The following HS3ST3B1 variants were observed in gnomAD, a reference collection of about 807,000 sequenced individuals.
The protein encoded by HS3ST3B1 is heparan sulfate-glucosamine 3-sulfotransferase 3B1, also known as heparan sulfate glucosamine 3-O-sulfotransferase 3B1.
A neutral mutation model predicts 21.3 loss-of-function variants in HS3ST3B1; 13 were observed. The ratio of observed to expected loss-of-function variants is 0.61; its 90% confidence interval spans 0.40 to 0.97. The LOEUF (loss-of-function observed/expected upper bound fraction) is 0.97. HS3ST3B1 is among the 50% of genes least tolerant of loss of function. The pLI is 0.00. For synonymous variants in HS3ST3B1, 234 were observed against 254.8 expected, an observed-to-expected ratio of 0.92 and a Z score of 0.78; for missense variants, 459 against 554.8, an observed-to-expected ratio of 0.83 and a Z score of 1.73.
chr17:14,301,839 C>G lies in HS3ST3B1; in HGVS notation c.321C>G (p.Gly107=), dbSNP rs757799336. ...CTTCAGGCAAGGAGATGGCCGAGGG[C>G]GCTGCGAGCCCGGAGGAGCAGAGTC... ...PLASGKEMAE[G]AASPEEQSPE... is the part of the protein sequence containing the mutation. The change falls in exon 1 of 2, where the codon GGC becomes GGG. Residue 107 remains glycine, a synonymous_variant. Coordinates refer to ENST00000360954, the MANE Select transcript of HS3ST3B1 (RefSeq NM_006041.3). 1 of 1,582,272 alleles carries G rather than the reference C, an allele frequency of 6.3e-7. No individual in the cohort carries two copies. The highest frequency in any genetic ancestry group is 8.6e-7 in the Non-Finnish European group (1 of 1,165,370).
chr17:14,343,236 T>C (rs1375469754), intron 1 of HS3ST3B1, among the ~76,000 whole-genome samples: 1 of 148,108 alleles, frequency 6.8e-6, no homozygotes, highest in Non-Finnish European at 1.5e-5. Flanking sequence ...AGCGAGACTC[T>C]GTCTCAAAAA....
intron 1 of HS3ST3B1, among the ~76,000 whole-genome samples, chr17:14,322,510 T>C (rs1446022773): frequency 6.6e-6 from 1 of 152,218 alleles, no homozygotes; most frequent in Admixed American, 6.5e-5. Flanking sequence ...AGGGGTAAAC[T>C]TATTTTTCTG....
intron 1 of HS3ST3B1, among the ~76,000 whole-genome samples, chr17:14,330,770 G>A (rs569515240): frequency 1.3e-5 from 2 of 152,202 alleles, no homozygotes; most frequent in South Asian, 2.1e-4. Flanking sequence ...AGAGGCATGC[G>A]AAAAAGAAAA....
intron 1 of HS3ST3B1, among the ~76,000 whole-genome samples, chr17:14,309,984 C>T (rs1201913806): frequency 6.6e-6 from 1 of 152,218 alleles, no homozygotes; most frequent in Non-Finnish European, 1.5e-5. Flanking sequence ...TCCCTTTTCT[C>T]CGCCCCCGTT....
At chr17:14,323,080 G>A (rs1253571004) in intron 1 of HS3ST3B1, among the ~76,000 whole-genome samples, 6 of 151,810 alleles carry the variant, frequency 4.0e-5, no homozygotes, top group Non-Finnish European at 1.5e-5. Context: ...TAATTTTTTT[G>A]TATCTTTTGT....
In HS3ST3B1 at chr17:14,303,203, C is replaced by T. The variant is rs1019040320; in HGVS notation, c.554+1131C>T. Among the ~76,000 whole-genome samples the T allele has an allele frequency of 1.3e-5, 2 of 152,090 alleles. No individual in the cohort carries two copies. Among genetic ancestry groups the T allele is most frequent in the African/African-American group, 4.8e-5 (2 of 41,386 alleles). ...TTTCGTTGGGGTCTCCACCCGTAAC[C>T]CCAGCCAGCACGACATTCAGACACC... On this transcript the variant is annotated intron_variant, in intron 1 of 1. Coordinates refer to ENST00000360954, the MANE Select transcript of HS3ST3B1 (RefSeq NM_006041.3). The surrounding 1 kb of genome is among the most constrained non-coding windows in gnomAD (Gnocchi z 5.7).
rs1327220386 is a variant in HS3ST3B1 at position 14,348,807 on chromosome 17, T to C, written c.*3161T>C. 6.6e-6 allele frequency: 1 copy of C among 152,210 alleles called. No homozygotes were observed. Among genetic ancestry groups the C allele is most frequent in the African/African-American group, 2.4e-5 (1 of 41,456 alleles). 9.4% of individuals were successfully genotyped at this position (152,210 alleles called of 1,614,324 possible). A position where few individuals can be genotyped will look rare whatever the true frequency, so the allele number is the denominator to read the frequency against. On this transcript the variant is annotated 3_prime_UTR_variant, in exon 2 of 2. Coordinates refer to ENST00000360954, the MANE Select transcript of HS3ST3B1 (RefSeq NM_006041.3). Reference sequence around the variant, plus strand: ...TCTTGTTTCTATCTAGTTCATGCTTTCTTTGCGGTGTTTGAACAGTAGTCT... The same window carrying C: ...TCTTGTTTCTATCTAGTTCATGCTTCCTTTGCGGTGTTTGAACAGTAGTCT...
At chr17:14,312,972 T>C (rs1909357388) in intron 1 of HS3ST3B1, among the ~76,000 whole-genome samples, 1 of 149,068 alleles carries the variant, frequency 6.7e-6, no homozygotes, top group East Asian at 2.0e-4. Flanking sequence ...TGGAATGATC[T>C]CGGCTCACTG....
chr17:14,337,670 C>T (rs1011228109), intron 1 of HS3ST3B1, among the ~76,000 whole-genome samples: 23 of 148,538 alleles, frequency 1.5e-4, no homozygotes, highest in Non-Finnish European at 4.4e-5. Context: ...CTTTTCTCTG[C>T]AGTTTGTAGA....
intron 1 of HS3ST3B1, among the ~76,000 whole-genome samples, chr17:14,338,953 G>A (rs999260826): frequency 1.3e-5 from 2 of 152,092 alleles, no homozygotes. Flanking sequence ...ATCTTTCTTG[G>A]GTTCTGTCAC....
intron 1 of HS3ST3B1, among the ~76,000 whole-genome samples, chr17:14,332,775 G>C (rs1349325240): frequency 6.8e-6 from 1 of 147,824 alleles, no homozygotes; most frequent in Non-Finnish European, 1.5e-5. Flanking sequence ...TGAGGGTACA[G>C]AGCAGAGTCC....
At chr17:14,302,098 T>A (rs771706222) in intron 1 of HS3ST3B1, 26 bp downstream of exon 1, 1 of 1,569,136 alleles carries the variant, frequency 6.4e-7, no homozygotes, top group Non-Finnish European at 8.6e-7. Flanking sequence ...AGGGGCAGGG[T>A]CTCCATCGTC....
intron 1 of HS3ST3B1, among the ~76,000 whole-genome samples, chr17:14,307,817 G>A (rs1283235539): frequency 6.6e-6 from 1 of 152,196 alleles, no homozygotes; most frequent in African/African-American, 2.4e-5. Flanking sequence ...TTCTTTTGCT[G>A]TGAATAGAGT....
At chr17:14,317,714 C>G (rs1909541979) in intron 1 of HS3ST3B1, among the ~76,000 whole-genome samples, 1 of 151,934 alleles carries the variant, frequency 6.6e-6, no homozygotes, top group Admixed American at 6.6e-5. Context: ...GAGAGAGGAG[C>G]CAGGAGGCTG....
chr17:14,302,483 C>T (rs1335941978), intron 1 of HS3ST3B1, among the ~76,000 whole-genome samples: 1 of 152,168 alleles, frequency 6.6e-6, no homozygotes, highest in African/African-American at 2.4e-5. Context: ...TTTGGTCGGT[C>T]TCCGCCCTCA....
At chr17:14,309,503 A>G (rs952211143) in intron 1 of HS3ST3B1, among the ~76,000 whole-genome samples, 2 of 149,890 alleles carry the variant, frequency 1.3e-5, no homozygotes, top group African/African-American at 4.9e-5. Context: ...GGAGAGACCA[A>G]TGGTGTTCCG....
chr17:14,310,056 A>T (rs1909258277), intron 1 of HS3ST3B1, among the ~76,000 whole-genome samples: 1 of 152,242 alleles, frequency 6.6e-6, no homozygotes, highest in African/African-American at 2.4e-5. Context: ...GGGTGCCTGT[A>T]AGGCGATTCC....
In HS3ST3B1 at chr17:14,303,009, C is replaced by T. The variant is rs1437935003; in HGVS notation, c.554+937C>T. ...GGGTCAGGTTCCAAAGGGACAGTGG[C>T]CCCGGGGTCACAATCACTACCTCTG... is the stretch of plus-strand genomic sequence containing the variant. On this transcript the variant is annotated intron_variant, in intron 1 of 1. Transcript: ENST00000360954. The surrounding 1 kb of genome is among the most constrained non-coding windows in gnomAD (Gnocchi z 5.7). Among the ~76,000 whole-genome samples, 1 of 152,182 alleles carries T rather than the reference C, an allele frequency of 6.6e-6. No homozygotes were observed. Among genetic ancestry groups the T allele is most frequent in the Non-Finnish European group, 1.5e-5 (1 of 68,042 alleles).
chr17:14,302,565 C>T (rs1363591283), intron 1 of HS3ST3B1, among the ~76,000 whole-genome samples: 1 of 152,116 alleles, frequency 6.6e-6, no homozygotes, highest in Non-Finnish European at 1.5e-5. Context: ...CCGGCGAGGC[C>T]GCAGAGTCTG....
Sources: allele counts gnomAD v4.1 joint callset (sites outside exome capture counted in the v4.1 genomes callset), GRCh38; gene constraint gnomAD v4.1.1; non-coding constraint Gnocchi (gnomAD v3.1); transcripts MANE v1.5; gene names NCBI Gene and HGNC (gene_info 2026-07-23, HGNC 2026-07-21).